CALCR: variants seen among roughly 807,000 people sequenced by gnomAD.
CALCR encodes calcitonin receptor.
A neutral mutation model predicts 59.5 loss-of-function variants in CALCR; 47 were observed. The ratio of observed to expected loss-of-function variants is 0.79; its 90% CI spans 0.63 to 1.01. The LOEUF is 1.01. Ranked by LOEUF, CALCR falls within the 50% of genes least tolerant of loss-of-function variation. The pLI, the probability that CALCR is intolerant of heterozygous loss-of-function variation, is 0.00. For synonymous variants in CALCR, 213 were observed against 211.3 expected (o/e 1.01, Z -0.07); for missense variants, 566 against 597.1 (o/e 0.95, Z 0.54).
intron 2 of CALCR, among the ~76,000 whole-genome samples, chr7:93,535,211 T>TA (rs1788954414): frequency 6.6e-6 from 1 of 151,754 alleles, no homozygotes; most frequent in African/African-American, 2.4e-5. Flanking sequence ...GTTTTATACT[T>TA]ATGCTCTAGT....
chr7:93,483,438 TAGATAGATAGATAGATAGAC>T (rs1297594122), intron 3 of CALCR, among the ~76,000 whole-genome samples: 6 of 138,814 alleles, frequency 4.3e-5, no homozygotes, highest in East Asian at 4.4e-4. Flanking sequence ...GATAGATAGA[TAGATAGATAGATAGATAGAC>T]AGACAGATAG....
Position 93,506,585 on chromosome 7 carries a change from C to T in CALCR, c.-26-19578G>A, listed in dbSNP as rs190787895. 1.8e-4 allele frequency among the ~76,000 whole-genome samples: 27 copies of T among 152,050 alleles called. No individual in the cohort carries two copies. In the East Asian group the frequency reaches 4.3e-3, roughly 24 times the overall value. ...AGGATTCTGTTGTTATAACACGCTA[C>T]CAAATATCCAGATGGCTCAATTGTT... On this transcript the variant is annotated intron_variant, in intron 2 of 13. Transcript: ENST00000426151.
At chr7:93,472,072 T>C (rs1170104037) in intron 6 of CALCR, among the ~76,000 whole-genome samples, 1 of 151,804 alleles carries the variant, frequency 6.6e-6, no homozygotes, top group African/African-American at 2.4e-5. Flanking sequence ...GTTGCCTAAT[T>C]TCTGGCATCA....
chr7:93,539,046 C>T (rs1789062611), intron 2 of CALCR, among the ~76,000 whole-genome samples: 1 of 152,076 alleles, frequency 6.6e-6, no homozygotes, highest in Non-Finnish European at 1.5e-5. Flanking sequence ...AATCTAAACT[C>T]ATAGATCTTA....
At chr7:93,473,753 T>C (rs993159547) in intron 5 of CALCR, among the ~76,000 whole-genome samples, 1 of 151,764 alleles carries the variant, frequency 6.6e-6, no homozygotes, top group Admixed American at 6.6e-5. Context: ...GAAGATTTTC[T>C]TTGAGCCCTG....
At chr7:93,461,517 T>C (rs191802475) in intron 7 of CALCR, among the ~76,000 whole-genome samples, 7 of 152,258 alleles carry the variant, frequency 4.6e-5, no homozygotes, top group Admixed American at 3.9e-4. Context: ...ATCACTGTAG[T>C]TCCTCTTTTC....
chr7:93,564,688 A>T (rs1789822191), intron 2 of CALCR, among the ~76,000 whole-genome samples: 1 of 151,826 alleles, frequency 6.6e-6, no homozygotes, highest in African/African-American at 2.4e-5. Flanking sequence ...TCCTGACCTC[A>T]GGTGATCCAC....
intron 2 of CALCR, among the ~76,000 whole-genome samples, chr7:93,543,132 G>A (rs1313569520): frequency 6.6e-6 from 1 of 152,064 alleles, no homozygotes; most frequent in Non-Finnish European, 1.5e-5. Context: ...TTTGAGATAG[G>A]GTCTTGCTCT....
At chr7:93,473,588 C>G (rs754370273) in intron 5 of CALCR, among the ~76,000 whole-genome samples, 1,405 of 120,294 alleles carry the variant, frequency 0.012, 8 homozygotes, top group Non-Finnish European at 0.015. Flanking sequence ...TGGCCCCCCC[C>G]CCTTTTTTTT....
chr7:93,496,485 G>A (rs1250379662), intron 2 of CALCR, among the ~76,000 whole-genome samples: 5 of 151,424 alleles, frequency 3.3e-5, no homozygotes, highest in East Asian at 3.9e-4. Flanking sequence ...TCATGAGAAC[G>A]AGCTGCCCTT....
At chr7:93,572,130 G>T (rs890611485) in intron 2 of CALCR, among the ~76,000 whole-genome samples, 1 of 151,582 alleles carries the variant, frequency 6.6e-6, no homozygotes, top group African/African-American at 2.4e-5. Context: ...AAGCTGTTAC[G>T]GTCTAAATAT....
chr7:93,489,564 T>G (rs1801028176), intron 2 of CALCR, among the ~76,000 whole-genome samples: 1 of 151,182 alleles, frequency 6.6e-6, no homozygotes, highest in African/African-American at 2.4e-5. Context: ...ATAGACACAA[T>G]AAAATATGAA....
chr7:93,442,795 A>G (rs1406721920), intron 9 of CALCR, among the ~76,000 whole-genome samples: 1 of 152,180 alleles, frequency 6.6e-6, no homozygotes, highest in African/African-American at 2.4e-5. Context: ...ATGGCCCACG[A>G]GTTCCTCCTC....
intron 2 of CALCR, among the ~76,000 whole-genome samples, chr7:93,540,071 G>A (rs76293547): frequency 0.018 from 2,757 of 152,290 alleles, 93 homozygotes; most frequent in African/African-American, 0.064. Context: ...TTCAGATTCT[G>A]TTCGCTGCCC....
chr7:93,511,767 G>A (rs1801551886), intron 2 of CALCR, among the ~76,000 whole-genome samples: 1 of 152,134 alleles, frequency 6.6e-6, no homozygotes, highest in South Asian at 2.1e-4. Flanking sequence ...GAAGTAGTAG[G>A]GAATTTCAGG....
At chr7:93,536,395 C>T (rs1788986964) in intron 2 of CALCR, among the ~76,000 whole-genome samples, 1 of 151,676 alleles carries the variant, frequency 6.6e-6, no homozygotes, top group Non-Finnish European at 1.5e-5. Flanking sequence ...GTCCTATTGA[C>T]TAATTTTGGA....
In CALCR at chr7:93,468,775, A is replaced by G; in HGVS notation, c.461T>C (p.Val154Ala). 1.2e-6 allele frequency: 2 copies of G among 1,610,836 alleles called. No individual in the cohort carries two copies. The highest frequency in any genetic ancestry group is 4.5e-5 in the East Asian group (2 of 44,734). Residue 154 changes from valine (V) to alanine (A), a missense_variant, in exon 7 of 14, where the codon GTG (valine) becomes GCG (alanine). Physicochemically the swap from Val to Ala is moderately conservative, Grantham distance 64. Coordinates refer to ENST00000426151, the MANE Select transcript of CALCR (RefSeq NM_001742.4). ...NAYVLYYLAI[V>A]GHSLSIFTLV... ...GGTGAAAATTGACAAAGAATGACCC[A>G]CAATAGCCAAATAGTACAGAACATA...
At chr7:93,445,770 CA>C (rs1203882519) in intron 8 of CALCR, among the ~76,000 whole-genome samples, 17 of 152,120 alleles carry the variant, frequency 1.1e-4, no homozygotes, top group African/African-American at 4.1e-4. Flanking sequence ...AAGAAAACTC[CA>C]ACACACACAT....
chr7:93,429,947 T>G (rs76960139), intron 13 of CALCR, among the ~76,000 whole-genome samples: 17,882 of 148,908 alleles, frequency 0.12, 1,582 homozygotes, highest in East Asian at 0.46. Flanking sequence ...TTTTTGTTTT[T>G]TTTTGAGACA....
Sources: allele counts gnomAD v4.1 joint callset (sites outside exome capture counted in the v4.1 genomes callset), GRCh38; gene constraint gnomAD v4.1.1; transcripts MANE v1.5; gene names NCBI Gene and HGNC (gene_info 2026-07-23, HGNC 2026-07-21).